PRKD1: variants seen among roughly 807,000 people sequenced by gnomAD.
PRKD1 encodes the protein protein kinase D1, also known as serine/threonine-protein kinase D1.
In PRKD1, 63 loss-of-function variants were observed where a neutral mutation model predicts 95.9. The observed-to-expected ratio is 0.66, with a 90% confidence interval of 0.54 to 0.81. The LOEUF (loss-of-function observed/expected upper bound fraction) is 0.81, where lower values mean the gene tolerates loss of function less well. PRKD1 is among the 30% of genes least tolerant of loss of function. PRKD1 has a pLI of 0.00. For missense variants in PRKD1, 1,048 were observed against 1,165.3 expected, an observed-to-expected ratio of 0.90 and a Z score of 1.47; for synonymous variants, 425 against 423.1, an observed-to-expected ratio of 1.00 and a Z score of -0.05.
intron 1 of PRKD1, among the ~76,000 whole-genome samples, chr14:29,735,192 G>C (rs1307363583): frequency 6.6e-6 from 1 of 152,046 alleles, no homozygotes; most frequent in East Asian, 1.9e-4. Flanking sequence ...CATTTTACAA[G>C]AAAAGTGAAA....
rs548193666 is a variant in PRKD1, at chr14:29,718,109, G to A, written c.403+7427C>T. ...TCTGCATTCTCTTCTCTGAGAAAAT[G>A]GTTTAGTGTGGCACAAAGAAATTAA... is the stretch of plus-strand genomic sequence containing the variant. On this transcript the variant is annotated intron_variant, in intron 2 of 17. Coordinates refer to ENST00000331968, the MANE Select transcript of PRKD1 (RefSeq NM_002742.3). Among the ~76,000 whole-genome samples the A allele has an allele frequency of 1.9e-3, 293 of 152,246 alleles. 2 individuals are homozygous for A. The highest frequency in any genetic ancestry group is 6.4e-3 in the African/African-American group (265 of 41,550).
At chr14:29,915,519 G>A (rs780803928) in intron 1 of PRKD1, among the ~76,000 whole-genome samples, 17 of 152,102 alleles carry the variant, frequency 1.1e-4, no homozygotes, top group African/African-American at 2.6e-4. Flanking sequence ...CCCAATGACC[G>A]TCCAGTTCTA....
chr14:29,752,645 T>A (rs145450834), intron 1 of PRKD1, among the ~76,000 whole-genome samples: 1 of 151,852 alleles, frequency 6.6e-6, no homozygotes. Context: ...CACTTTCTTA[T>A]GCAAAATTCA....
intron 1 of PRKD1, among the ~76,000 whole-genome samples, chr14:29,834,829 C>A (rs1891549335): frequency 6.6e-6 from 1 of 152,108 alleles, no homozygotes; most frequent in Admixed American, 6.6e-5. Flanking sequence ...AAGAAACTGA[C>A]TCATCCATGT....
intron 1 of PRKD1, among the ~76,000 whole-genome samples, chr14:29,771,700 G>A (rs556198218): frequency 6.6e-6 from 1 of 152,254 alleles, no homozygotes; most frequent in South Asian, 2.1e-4. Context: ...CTCCAGCCTG[G>A]GAGAGTCATG....
intron 4 of PRKD1, chr14:29,656,421 G>A: frequency 4.1e-6 from 6 of 1,455,788 alleles, no homozygotes; most frequent in South Asian, 1.2e-5. Context: ...GTAATATGCT[G>A]GTTTGAAAAA....
rs1418580379 is a variant in PRKD1 at position 29,601,273 on chromosome 14, G to A, written c.1906-1456C>T. Among the ~76,000 whole-genome samples the A allele has an allele frequency of 1.3e-5, 2 of 152,162 alleles. 1 individual carries two copies. Among genetic ancestry groups the A allele is most frequent in the Non-Finnish European group, 2.9e-5 (2 of 68,028 alleles). On this transcript the variant is annotated intron_variant, in intron 13 of 17. Coordinates refer to ENST00000331968, the MANE Select transcript of PRKD1 (RefSeq NM_002742.3). ...AACTGGATATAGAACCAGGAGCTCT[G>A]ATGATGATAACTCATTTCTTAGAGA...
At chr14:29,772,251 T>C (rs1237883904) in intron 1 of PRKD1, among the ~76,000 whole-genome samples, 1 of 152,184 alleles carries the variant, frequency 6.6e-6, no homozygotes, top group Non-Finnish European at 1.5e-5. Flanking sequence ...TGTTGAAACC[T>C]AATCCCCAAT....
intron 1 of PRKD1, among the ~76,000 whole-genome samples, chr14:29,872,897 T>C (rs1893163468): frequency 6.6e-6 from 1 of 152,146 alleles, no homozygotes; most frequent in South Asian, 2.1e-4. Context: ...GATTACATTT[T>C]ACATATTTGT....
In PRKD1 at chr14:29,743,771, C is replaced by T. The variant is rs555377147; in HGVS notation, c.265-18097G>A. ...TCTCTCTTTAAACTGCCAATCAATGCCCTTCACATTGCCAGCTTCTATGGG... is the reference window on the plus strand; with the variant it reads ...TCTCTCTTTAAACTGCCAATCAATGTCCTTCACATTGCCAGCTTCTATGGG... On this transcript the variant is annotated intron_variant, in intron 1 of 17. Transcript: ENST00000331968. Among the ~76,000 whole-genome samples the T allele has an allele frequency of 5.9e-5, 9 of 152,262 alleles. No homozygotes were observed. In the South Asian group the frequency reaches 1.9e-3, roughly 32 times the overall value.
intron 1 of PRKD1, among the ~76,000 whole-genome samples, chr14:29,811,659 G>A (rs1288724130): frequency 1.3e-5 from 2 of 152,214 alleles, no homozygotes; most frequent in Non-Finnish European, 2.9e-5. Context: ...CAGGAGCAGG[G>A]AAGAAGAGGC....
At chr14:29,826,674 T>TATATATATACAC (rs1891144511) in intron 1 of PRKD1, among the ~76,000 whole-genome samples, 2 of 74,100 alleles carry the variant, frequency 2.7e-5, no homozygotes, top group African/African-American at 9.1e-5. Context: ...TATATATGTG[T>TATATATATACAC]ATATATATAT....
chr14:29,785,683 G>C (rs1413392477), intron 1 of PRKD1, among the ~76,000 whole-genome samples: 3 of 139,570 alleles, frequency 2.1e-5, no homozygotes, highest in Non-Finnish European at 4.7e-5. Flanking sequence ...GGGGTGGGGG[G>C]AAGGGGGAGG....
At chr14:29,622,523 C>T (rs1008898031) in intron 13 of PRKD1, among the ~76,000 whole-genome samples, 2 of 151,868 alleles carry the variant, frequency 1.3e-5, no homozygotes, top group African/African-American at 4.8e-5. Context: ...CTACCTCAGC[C>T]TTCAGAGTAG....
At chr14:29,840,151 C>T (rs111537469) in intron 1 of PRKD1, among the ~76,000 whole-genome samples, 22 of 152,246 alleles carry the variant, frequency 1.4e-4, no homozygotes, top group African/African-American at 4.6e-4. Context: ...AACTGAATGC[C>T]TTTAACAGCA....
chr14:29,672,733 T>G (rs1242473795), intron 2 of PRKD1, among the ~76,000 whole-genome samples: 1 of 152,184 alleles, frequency 6.6e-6, no homozygotes, highest in Non-Finnish European at 1.5e-5. Flanking sequence ...CACAGAAATC[T>G]AATTATGCTT....
chr14:29,892,606 G>A (rs977057169), intron 1 of PRKD1, among the ~76,000 whole-genome samples: 1 of 152,132 alleles, frequency 6.6e-6, no homozygotes, highest in African/African-American at 2.4e-5. Flanking sequence ...ACTAACTTGT[G>A]GAGAAGGTAG....
At chr14:29,864,815 G>T (rs1209471511) in intron 1 of PRKD1, among the ~76,000 whole-genome samples, 2 of 152,238 alleles carry the variant, frequency 1.3e-5, no homozygotes, top group South Asian at 2.1e-4. Context: ...CAGCCCATGT[G>T]AATAACATAG....
intron 2 of PRKD1, among the ~76,000 whole-genome samples, chr14:29,675,023 G>C (rs772042065): frequency 6.6e-6 from 1 of 152,180 alleles, no homozygotes; most frequent in African/African-American, 2.4e-5. Context: ...AGAAGAAACA[G>C]TTCAACAATT....
Sources: gnomAD v4.1 joint callset for allele counts (sites outside exome capture counted in the v4.1 genomes callset) on GRCh38, gnomAD v4.1.1 for gene constraint, MANE v1.5 for transcripts, NCBI Gene and HGNC (gene_info 2026-07-23, HGNC 2026-07-21) for gene names.